Variants in ADARB2 observed in about 807,000 individuals in gnomAD.
The protein encoded by ADARB2 is adenosine deaminase RNA specific B2 (inactive).
Under a neutral mutation model 62.2 loss-of-function variants are expected in ADARB2, and 25 were observed. The observed-to-expected ratio is 0.40, with a 90% CI of 0.29 to 0.56. The LOEUF (loss-of-function observed/expected upper bound fraction) is 0.56. Among genes scored for constraint, ADARB2 ranks in the 20% least tolerant of loss-of-function variants. ADARB2 has a pLI of 0.43. For missense variants in ADARB2, 1,071 were observed against 1,077.4 expected (o/e 0.99, Z 0.08); for synonymous variants, 572 against 500.8 (o/e 1.14, Z -1.90).
intron 1 of ADARB2, among the ~76,000 whole-genome samples, chr10:1,642,842 C>T (rs944555062): frequency 3.9e-5 from 6 of 152,190 alleles, no homozygotes; most frequent in African/African-American, 1.4e-4. Context: ...ACACTCGCCC[C>T]TTGGCTGTGA....
intron 1 of ADARB2, among the ~76,000 whole-genome samples, chr10:1,519,636 G>T (rs1215305089): frequency 6.6e-6 from 1 of 152,096 alleles, no homozygotes; most frequent in Non-Finnish European, 1.5e-5. Context: ...CCTACCTTTG[G>T]GTCCGTTTGA....
chr10:1,404,789 G>A (rs145166704), intron 1 of ADARB2, among the ~76,000 whole-genome samples: 3 of 152,322 alleles, frequency 2.0e-5, no homozygotes, highest in South Asian at 2.1e-4. Flanking sequence ...AAAGTGATGG[G>A]CAATTGTTTT....
chr10:1,402,957 C>G (rs532787710), intron 1 of ADARB2, among the ~76,000 whole-genome samples: 1 of 152,378 alleles, frequency 6.6e-6, no homozygotes, highest in South Asian at 2.1e-4. Context: ...TGCCACCCTC[C>G]TCCCTGGTGT....
At chr10:1,414,526 G>A (rs927053696) in intron 1 of ADARB2, among the ~76,000 whole-genome samples, 1 of 152,180 alleles carries the variant, frequency 6.6e-6, no homozygotes, top group African/African-American at 2.4e-5. Context: ...AAAAGAACCT[G>A]CTCTCCATTA....
At position 1,700,023 on chromosome 10, in the gene ADARB2, A is replaced by G. The variant is rs372775133; in HGVS notation, c.100+37028T>C. On this transcript the variant is annotated intron_variant, in intron 1 of 9. Coordinates refer to ENST00000381312, the MANE Select transcript of ADARB2 (RefSeq NM_018702.4). The stretch of plus-strand genomic sequence containing the variant: ...TCAATACACGCAATCCCACTCCACC[A>G]GGAGACCGGGCACTCGCCAACACAC... Among the ~76,000 whole-genome samples, 35 of 9,210 alleles carry G rather than the reference A, an allele frequency of 3.8e-3. 1 individual carries two copies. Among genetic ancestry groups the G allele is most frequent in the Middle Eastern group, 0.25 (1 of 4 alleles). 6.0% of individuals were successfully genotyped at this position (9,210 alleles called of 152,430 possible).
At position 1,597,597 on chromosome 10, in the gene ADARB2, C is replaced by T. The variant is rs535663779; in HGVS notation, c.100+139454G>A. Among the ~76,000 whole-genome samples, 208 of 152,280 alleles carry T rather than the reference C, an allele frequency of 1.4e-3. 1 individual carries two copies. The highest frequency in any genetic ancestry group is 4.8e-3 in the African/African-American group (199 of 41,554). Reference sequence around the variant, plus strand: ...CATCGTCTCACACCAGTCAGAATGGCAGTTATTAAAAAGTCAATGAACAAC... The same window carrying T: ...CATCGTCTCACACCAGTCAGAATGGTAGTTATTAAAAAGTCAATGAACAAC... On this transcript the variant is annotated intron_variant, in intron 1 of 9. Transcript: ENST00000381312.
intron 7 of ADARB2, among the ~76,000 whole-genome samples, chr10:1,213,095 AGAGAT>A (rs893300034): frequency 2.6e-5 from 4 of 152,172 alleles, no homozygotes; most frequent in Non-Finnish European, 4.4e-5. Flanking sequence ...GCAGAGATGA[AGAGAT>A]GAGATACACA....
At chr10:1,231,433 G>A (rs570983480) in intron 6 of ADARB2, among the ~76,000 whole-genome samples, 47 of 152,180 alleles carry the variant, frequency 3.1e-4, no homozygotes, top group Non-Finnish European at 6.3e-4. Flanking sequence ...TATGTCCAGT[G>A]AAAATGAAGC....
Position 1,454,238 on chromosome 10 carries a change from AC to A in ADARB2, c.101-75079del, listed in dbSNP as rs1473141492. Among the ~76,000 whole-genome samples, 5 of 152,022 alleles carry A rather than the reference AC, an allele frequency of 3.3e-5. No individual in the cohort carries two copies. The East Asian group carries it at 5.8e-4, about 18-fold the overall frequency. On this transcript the variant is annotated intron_variant, in intron 1 of 9. Transcript: ENST00000381312. ...CATGAGAACAGCATGGGAAAGACCC[AC>A]CCCCATGATTCAGTTACCTCCCACT...
At chr10:1,216,027 A>C (rs1837228509) in intron 7 of ADARB2, 1 of 147,112 alleles carries the variant, frequency 6.8e-6, no homozygotes, top group African/African-American at 2.6e-5. Context: ...AACGTGGGGG[A>C]GGTCTCAGGG....
chr10:1,539,843 G>A (rs1447005843), intron 1 of ADARB2, among the ~76,000 whole-genome samples: 1 of 152,166 alleles, frequency 6.6e-6, no homozygotes, highest in African/African-American at 2.4e-5. Context: ...TGATTTGCAT[G>A]CAACATAACA....
chr10:1,695,889 TG>T (rs1438612324), intron 1 of ADARB2, among the ~76,000 whole-genome samples: 1 of 152,042 alleles, frequency 6.6e-6, no homozygotes, highest in Non-Finnish European at 1.5e-5. Flanking sequence ...GACACACACA[TG>T]CATGAGGGCA....
chr10:1,303,212 C>T (rs1343564809), intron 3 of ADARB2, among the ~76,000 whole-genome samples: 7 of 151,794 alleles, frequency 4.6e-5, no homozygotes, highest in African/African-American at 7.3e-5. Flanking sequence ...AACCAAGGCT[C>T]GAGAACTACG....
intron 4 of ADARB2, among the ~76,000 whole-genome samples, chr10:1,266,630 G>T (rs137913048): frequency 1.3e-5 from 2 of 152,192 alleles, no homozygotes; most frequent in African/African-American, 4.8e-5. Context: ...CACCACCGCA[G>T]AAGACACCAG....
chr10:1,266,289 G>A (rs1349617643), intron 4 of ADARB2, among the ~76,000 whole-genome samples: 4 of 152,224 alleles, frequency 2.6e-5, no homozygotes, highest in Non-Finnish European at 5.9e-5. Flanking sequence ...CTGTAGGTCC[G>A]GTGCAACAGC....
At chr10:1,195,849 T>C (rs900508855) in intron 8 of ADARB2, among the ~76,000 whole-genome samples, 9 of 152,130 alleles carry the variant, frequency 5.9e-5, no homozygotes, top group Admixed American at 3.9e-4. Context: ...TATGGCACCG[T>C]CCTAGTCTGT....
intron 3 of ADARB2, chr10:1,361,040 G>A (rs892141878): frequency 6.6e-6 from 1 of 152,250 alleles, no homozygotes; most frequent in African/African-American, 2.4e-5. Context: ...AGGCTCAGCT[G>A]GGTGAGCAAG....
rs183632481 is a variant in ADARB2 at position 1,635,111 on chromosome 10, T to A, written c.100+101940A>T. Among the ~76,000 whole-genome samples the A allele has an allele frequency of 1.3e-4, 20 of 152,362 alleles. No individual in the cohort carries two copies. The East Asian group carries it at 3.7e-3, about 28-fold the overall frequency. On this transcript the variant is annotated intron_variant, in intron 1 of 9. Coordinates refer to ENST00000381312, the MANE Select transcript of ADARB2 (RefSeq NM_018702.4). ...ATGTACACTGAAAGAGTCTATGGCA[T>A]TTTTACAATTCCAAATGTATCTTAC...
chr10:1,685,111 TAA>T (rs1192569755), intron 1 of ADARB2, among the ~76,000 whole-genome samples: 5 of 152,190 alleles, frequency 3.3e-5, no homozygotes, highest in African/African-American at 1.2e-4. Flanking sequence ...TAATGCAGTT[TAA>T]GGAATGAAGC....
Sources: allele counts gnomAD v4.1 joint callset (sites outside exome capture counted in the v4.1 genomes callset), GRCh38; gene constraint gnomAD v4.1.1; transcripts MANE v1.5; gene names NCBI Gene and HGNC (gene_info 2026-07-23, HGNC 2026-07-21).